VAV3: variants seen among roughly 807,000 people sequenced by gnomAD.
The protein encoded by VAV3 is guanine nucleotide exchange factor VAV3.
Under a neutral mutation model 131.2 loss-of-function variants are expected in VAV3, and 94 were observed. The ratio of observed to expected loss-of-function variants is 0.72; its 90% CI spans 0.61 to 0.85. The LOEUF (loss-of-function observed/expected upper bound fraction) is 0.85, where lower values mean the gene tolerates loss of function less well. Ranked by LOEUF, VAV3 falls within the 40% of genes least tolerant of loss-of-function variation. The pLI, the probability that VAV3 is intolerant of heterozygous loss-of-function variation, is 0.00. For synonymous variants in VAV3, 349 were observed against 342.0 expected, an observed-to-expected ratio of 1.02 and a Z score of -0.22; for missense variants, 939 against 1,002.7, an observed-to-expected ratio of 0.94 and a Z score of 0.86.
At chr1:107,724,308 T>C (rs1661697880) in intron 15 of VAV3, among the ~76,000 whole-genome samples, 1 of 151,830 alleles carries the variant, frequency 6.6e-6, no homozygotes, top group Non-Finnish European at 1.5e-5. Context: ...ACTTTTTCTT[T>C]GAGAGCATCC....
chr1:107,848,138 C>T (rs946383217), intron 2 of VAV3, among the ~76,000 whole-genome samples: 1 of 151,848 alleles, frequency 6.6e-6, no homozygotes, highest in African/African-American at 2.4e-5. Flanking sequence ...ACGGTGAAAC[C>T]CTGTCTCTAC....
intron 26 of VAV3, 148 bp from the exon 27 acceptor site, chr1:107,573,520 CT>C: frequency 1.2e-6 from 1 of 837,726 alleles, no homozygotes; most frequent in Non-Finnish European, 1.9e-6. Context: ...TTTAACTGCT[CT>C]TAGAAGCCTA....
intron 19 of VAV3, among the ~76,000 whole-genome samples, chr1:107,673,241 T>C (rs1657950780): frequency 6.6e-6 from 1 of 152,222 alleles, no homozygotes; most frequent in South Asian, 2.1e-4. Flanking sequence ...TAGCTGCCCA[T>C]GTCACTCCTC....
intron 1 of VAV3, among the ~76,000 whole-genome samples, chr1:107,913,177 T>C (rs906679793): frequency 1.3e-5 from 2 of 152,228 alleles, no homozygotes; most frequent in African/African-American, 4.8e-5. Context: ...TTTTAAATTT[T>C]TAATCATATT....
At chr1:107,601,283 C>G (rs1191934336) in intron 24 of VAV3, among the ~76,000 whole-genome samples, 1 of 152,146 alleles carries the variant, frequency 6.6e-6, no homozygotes, top group East Asian at 1.9e-4. Flanking sequence ...CCATCCTTAG[C>G]TTTTGAACTG....
chr1:107,576,904 T>C (rs537296244), intron 25 of VAV3, among the ~76,000 whole-genome samples: 2 of 152,330 alleles, frequency 1.3e-5, no homozygotes, highest in South Asian at 4.1e-4. Context: ...AAATTATTCA[T>C]ACAATTTGTT....
In VAV3 at chr1:107,572,142, G is replaced by C. The variant is rs2100969503; in HGVS notation, c.*1189C>G. ...GTATTTAGGCTCCTCACAAAAAAGA[G>C]TGATGGCTGGGCAAAACAAATGTAC... is the stretch of plus-strand genomic sequence containing the variant. On this transcript the variant is annotated 3_prime_UTR_variant, in exon 27 of 27. Coordinates refer to ENST00000370056, the MANE Select transcript of VAV3 (RefSeq NM_006113.5). 6.6e-6 allele frequency: 1 copy of C among 152,340 alleles called. No homozygotes were observed. The highest frequency in any genetic ancestry group is 2.4e-5 in the African/African-American group (1 of 41,566). The allele number at this position is 152,340 out of a possible 1,614,324, so 9.4% of individuals were successfully genotyped here.
chr1:107,700,392 C>A lies in VAV3; in HGVS notation c.1705+4158G>T, dbSNP rs138572112. Among the ~76,000 whole-genome samples, 13 of 152,280 alleles carry A rather than the reference C, an allele frequency of 8.5e-5. No homozygotes were observed. In the East Asian group the frequency reaches 2.5e-3, roughly 29 times the overall value. The stretch of plus-strand genomic sequence containing the variant: ...TGCCATGGTGGTTTGCTGCACCTAT[C>A]AACGCATCACCTAAGAATTAAGTGC... On this transcript the variant is annotated intron_variant, in intron 17 of 26. Transcript: ENST00000370056.
chr1:107,610,704 G>A (rs1008001806), intron 21 of VAV3, among the ~76,000 whole-genome samples: 4 of 152,112 alleles, frequency 2.6e-5, no homozygotes, highest in African/African-American at 9.7e-5. Flanking sequence ...ACTTGTAGCT[G>A]CTAATGGTCA....
intron 1 of VAV3, among the ~76,000 whole-genome samples, chr1:107,899,407 T>A (rs1198932899): frequency 6.6e-6 from 1 of 152,188 alleles, no homozygotes; most frequent in Admixed American, 6.5e-5. Flanking sequence ...TGGTCCCTCA[T>A]GTTCAACGAC....
chr1:107,716,350 AG>A (rs1661089561), intron 15 of VAV3, among the ~76,000 whole-genome samples: 1 of 152,192 alleles, frequency 6.6e-6, no homozygotes, highest in Admixed American at 6.5e-5. Flanking sequence ...TTGGTGGGCC[AG>A]GTGTGGTGGC....
Position 107,770,741 on chromosome 1 carries a change from T to C in VAV3, c.556-13A>G, listed in dbSNP as rs1664996498. The stretch of plus-strand genomic sequence containing the variant: ...TTTCTGGACATTTCTGCAGTTAGAA[T>C]TATCAAAATAAAATGATTTAATAAA... On this transcript the variant is annotated splice_polypyrimidine_tract_variant and intron_variant, in intron 5 of 26. Transcript: ENST00000370056. 2 of 1,584,216 alleles carry C rather than the reference T, an allele frequency of 1.3e-6. No homozygotes were observed. Among genetic ancestry groups the C allele is most frequent in the Non-Finnish European group, 8.6e-7 (1 of 1,161,128 alleles).
At chr1:107,634,279 G>A (rs1654734426) in intron 20 of VAV3, among the ~76,000 whole-genome samples, 1 of 152,102 alleles carries the variant, frequency 6.6e-6, no homozygotes, top group South Asian at 2.1e-4. Flanking sequence ...CAGTGAGATA[G>A]ACCAATGGAA....
chr1:107,895,435 C>CCTATCCTA, intron 1 of VAV3, among the ~76,000 whole-genome samples: 1 of 152,170 alleles, frequency 6.6e-6, no homozygotes, highest in South Asian at 2.1e-4. Flanking sequence ...CTTACTCTGT[C>CCTATCCTA]AGACACTATC....
intron 19 of VAV3, among the ~76,000 whole-genome samples, chr1:107,647,581 A>G (rs1314587649): frequency 6.6e-6 from 1 of 152,020 alleles, no homozygotes; most frequent in East Asian, 1.9e-4. Flanking sequence ...ATAAATGTTC[A>G]TATCTATAAA....
intron 22 of VAV3, chr1:107,609,526 C>T (rs4518927): frequency 0.077 from 11,816 of 152,700 alleles, 482 homozygotes; most frequent in East Asian, 0.11. Flanking sequence ...CAGAGCAAGA[C>T]CCCATCTCTA....
intron 1 of VAV3, among the ~76,000 whole-genome samples, chr1:107,943,438 T>C (rs1442224648): frequency 6.6e-6 from 1 of 152,126 alleles, no homozygotes; most frequent in Non-Finnish European, 1.5e-5. Flanking sequence ...CCTTGGCTTG[T>C]CTCTCACAAT....
In VAV3 at chr1:107,613,851, T is replaced by A. The variant is rs561584291; in HGVS notation, c.1980+3716A>T. 3.3e-5 allele frequency among the ~76,000 whole-genome samples: 5 copies of A among 152,220 alleles called. No individual in the cohort carries two copies. The South Asian group carries it at 1.0e-3, about 32-fold the overall frequency. On this transcript the variant is annotated intron_variant, in intron 21 of 26. Transcript: ENST00000370056. Reference sequence around the variant, plus strand: ...GGGAGAATAATCAATGTGGAATAATTTTTTTAATTTTTATTTTTTATTTGA... The same window carrying A: ...GGGAGAATAATCAATGTGGAATAATATTTTTAATTTTTATTTTTTATTTGA...
At chr1:107,629,236 C>G (rs781507169) in intron 20 of VAV3, among the ~76,000 whole-genome samples, 1 of 152,190 alleles carries the variant, frequency 6.6e-6, no homozygotes, top group Non-Finnish European at 1.5e-5. Flanking sequence ...TCTATGCATT[C>G]TATTGTAATA....
Sources: gnomAD v4.1 joint callset for allele counts (sites outside exome capture counted in the v4.1 genomes callset) on GRCh38, gnomAD v4.1.1 for gene constraint, MANE v1.5 for transcripts, NCBI Gene and HGNC (gene_info 2026-07-23, HGNC 2026-07-21) for gene names.